DPF3: variants seen among roughly 807,000 people sequenced by gnomAD.
DPF3 encodes zinc finger protein DPF3.
A neutral mutation model predicts 56.8 loss-of-function variants in DPF3; 18 were observed. That is an observed-to-expected ratio of 0.32 (90% confidence interval 0.22 to 0.47). The LOEUF (loss-of-function observed/expected upper bound fraction) is 0.47. Ranked by LOEUF, DPF3 falls within the 20% of genes least tolerant of loss-of-function variation. The pLI, the probability that DPF3 is intolerant of heterozygous loss-of-function variation, is 1.00. For missense variants in DPF3, 403 were observed against 488.8 expected, an observed-to-expected ratio of 0.82 and a Z score of 1.65; for synonymous variants, 188 against 180.2, an observed-to-expected ratio of 1.04 and a Z score of -0.35.
At chr14:72,696,179 A>C (rs1468441650) in intron 6 of DPF3, among the ~76,000 whole-genome samples, 1 of 152,240 alleles carries the variant, frequency 6.6e-6, no homozygotes, top group African/African-American at 2.4e-5. Flanking sequence ...TATTTACACA[A>C]AGAGGCCTCA....
intron 1 of DPF3, among the ~76,000 whole-genome samples, chr14:72,809,047 G>A: frequency 6.6e-6 from 1 of 152,214 alleles, no homozygotes; most frequent in East Asian, 1.9e-4. Flanking sequence ...TCACAGGAAT[G>A]AATTAGTTCC....
intron 1 of DPF3, among the ~76,000 whole-genome samples, chr14:72,792,494 C>T (rs957847841): frequency 6.6e-6 from 1 of 152,096 alleles, no homozygotes; most frequent in Non-Finnish European, 1.5e-5. Flanking sequence ...TGGAGGCAAA[C>T]ACACTCTCTT....
intron 6 of DPF3, among the ~76,000 whole-genome samples, chr14:72,700,196 T>C (rs1012953631): frequency 8.5e-5 from 13 of 152,182 alleles, no homozygotes; most frequent in African/African-American, 3.1e-4. Flanking sequence ...CCAGCACTGT[T>C]TCTCCTTCTG....
chr14:72,888,450 A>G (rs1022149970), intron 1 of DPF3, among the ~76,000 whole-genome samples: 1 of 152,244 alleles, frequency 6.6e-6, no homozygotes, highest in Non-Finnish European at 1.5e-5. Context: ...CGGACCAATA[A>G]GAAAAACAAA....
At chr14:72,853,278 C>G (rs796702151) in intron 1 of DPF3, 6 of 151,610 alleles carry the variant, frequency 4.0e-5, no homozygotes, top group African/African-American at 1.5e-4. Context: ...ACAAGGAGTT[C>G]AATCTGTAAC....
intron 1 of DPF3, among the ~76,000 whole-genome samples, chr14:72,815,711 C>G (rs7142642): frequency 0.44 from 66,993 of 152,086 alleles, 15,920 homozygotes; most frequent in Non-Finnish European, 0.53. Flanking sequence ...CAAATTACTA[C>G]AAACTCAGTA....
At chr14:72,702,188 A>G (rs1188508678) in intron 6 of DPF3, among the ~76,000 whole-genome samples, 1 of 150,624 alleles carries the variant, frequency 6.6e-6, no homozygotes, top group East Asian at 2.0e-4. Flanking sequence ...ACCCACCCCA[A>G]CGGCCTGGGG....
intron 3 of DPF3, among the ~76,000 whole-genome samples, chr14:72,734,700 C>T (rs113459894): frequency 3.3e-5 from 5 of 152,114 alleles, no homozygotes; most frequent in Non-Finnish European, 5.9e-5. Flanking sequence ...TTTGTAGATG[C>T]GTCACCCGAG....
At chr14:72,807,173 C>A (rs528253562) in intron 1 of DPF3, among the ~76,000 whole-genome samples, 1 of 152,310 alleles carries the variant, frequency 6.6e-6, no homozygotes, top group Non-Finnish European at 1.5e-5. Flanking sequence ...TTCACCTATT[C>A]AGGACACAAA....
At position 72,611,149 on chromosome 14, in the gene DPF3, A is replaced by G. The variant is rs1883699816; in HGVS notation, c.*8148T>C. On this transcript the variant is annotated 3_prime_UTR_variant, in exon 11 of 11. Coordinates refer to ENST00000556509, the MANE Select transcript of DPF3 (RefSeq NM_001280542.3). ...AGAGAAGCTATAGCTCTGAGCCAACATCCACACATGGACAGATACACACCT... is the reference window on the plus strand; with the variant it reads ...AGAGAAGCTATAGCTCTGAGCCAACGTCCACACATGGACAGATACACACCT... 6.6e-6 allele frequency among the ~76,000 whole-genome samples: 1 copy of G among 152,186 alleles called. No homozygotes were observed. The highest frequency in any genetic ancestry group is 2.4e-5 in the African/African-American group (1 of 41,438).
intron 5 of DPF3, among the ~76,000 whole-genome samples, 191 bp from the exon 6 acceptor site, chr14:72,714,692 C>T (rs1355540538): frequency 6.6e-6 from 1 of 152,130 alleles, no homozygotes; most frequent in Non-Finnish European, 1.5e-5. Context: ...AGTTGCTCAC[C>T]TGTATCACCT....
intron 7 of DPF3, among the ~76,000 whole-genome samples, chr14:72,675,148 A>G (rs1036841100): frequency 2.0e-5 from 3 of 151,888 alleles, no homozygotes; most frequent in African/African-American, 7.3e-5. Context: ...TTCAAAACCC[A>G]CTCCTGCTGG....
At chr14:72,657,430 G>T (rs982961933) in intron 8 of DPF3, among the ~76,000 whole-genome samples, 4 of 152,270 alleles carry the variant, frequency 2.6e-5, no homozygotes, top group African/African-American at 9.6e-5. Flanking sequence ...CTGCAGTTTG[G>T]ACTCTGTACC....
At chr14:72,864,981 A>G (rs1301743550) in intron 1 of DPF3, among the ~76,000 whole-genome samples, 1 of 152,186 alleles carries the variant, frequency 6.6e-6, no homozygotes, top group Non-Finnish European at 1.5e-5. Context: ...GGAGCCAAAG[A>G]TGATGCTCAG....
intron 8 of DPF3, among the ~76,000 whole-genome samples, chr14:72,637,615 A>G (rs1885422681): frequency 6.6e-6 from 1 of 152,192 alleles, no homozygotes; most frequent in African/African-American, 2.4e-5. Flanking sequence ...GGACAAGTCA[A>G]TTGACTTCTC....
In DPF3 at chr14:72,703,869, G is replaced by A. The variant is rs543743666; in HGVS notation, c.604+10554C>T. 3.3e-5 allele frequency among the ~76,000 whole-genome samples: 5 copies of A among 152,242 alleles called. No individual in the cohort carries two copies. In the South Asian group the frequency reaches 1.0e-3, roughly 32 times the overall value. On this transcript the variant is annotated intron_variant, in intron 6 of 10. Transcript: ENST00000556509. ...CTCCCTTAGATCCTGCAGCAGCTAG[G>A]GCACAGAACACAACTGGGGCCCCAG...
At chr14:72,721,390 G>A (rs930632928) in intron 5 of DPF3, among the ~76,000 whole-genome samples, 1 of 152,220 alleles carries the variant, frequency 6.6e-6, no homozygotes, top group African/African-American at 2.4e-5. Context: ...GGTGAGAGAA[G>A]GAAAGCAAGT....
intron 4 of DPF3, among the ~76,000 whole-genome samples, chr14:72,726,898 G>A (rs1207474877): frequency 6.6e-6 from 1 of 151,928 alleles, no homozygotes; most frequent in Admixed American, 6.6e-5. Context: ...CTGGAATACT[G>A]CAAAAATCTC....
intron 8 of DPF3, among the ~76,000 whole-genome samples, chr14:72,659,774 G>A (rs911610453): frequency 6.6e-6 from 1 of 152,192 alleles, no homozygotes; most frequent in Non-Finnish European, 1.5e-5. Context: ...TGGGTGATGT[G>A]TAATAAATAT....
Sources: allele counts gnomAD v4.1 joint callset (sites outside exome capture counted in the v4.1 genomes callset), GRCh38; gene constraint gnomAD v4.1.1; transcripts MANE v1.5; gene names NCBI Gene and HGNC (gene_info 2026-07-23, HGNC 2026-07-21).